Variants in DHX35 observed in about 807,000 individuals in gnomAD.
DHX35 encodes DEAH-box helicase 35.
A neutral mutation model predicts 99.6 loss-of-function variants in DHX35; 84 were observed. The observed-to-expected ratio is 0.84, with a 90% CI of 0.71 to 1.01. The LOEUF is 1.01. Among genes scored for constraint, DHX35 ranks in the 50% least tolerant of loss-of-function variants. DHX35 has a pLI of 0.00. For synonymous variants in DHX35, 331 were observed against 316.2 expected, an observed-to-expected ratio of 1.05 and a Z score of -0.50; for missense variants, 852 against 888.5, an observed-to-expected ratio of 0.96 and a Z score of 0.52.
intron 18 of DHX35, among the ~76,000 whole-genome samples, chr20:39,026,091 C>T (rs1279786832): frequency 2.6e-5 from 4 of 152,140 alleles, no homozygotes; most frequent in Non-Finnish European, 5.9e-5. Context: ...CAGCAGTCAG[C>T]CTGAAAGCCT....
intron 16 of DHX35, among the ~76,000 whole-genome samples, chr20:39,022,324 A>G (rs968856129): frequency 6.6e-6 from 1 of 151,920 alleles, no homozygotes; most frequent in Non-Finnish European, 1.5e-5. Flanking sequence ...ACGCCCGGCT[A>G]ATTTTTGTAT....
In DHX35 at chr20:39,036,726, C is replaced by CCAAAAAAAAAAA. The variant is rs1568767834; in HGVS notation, c.2068-1773_2068-1772insCAAAAAAAAAAA. On this transcript the variant is annotated intron_variant, in intron 21 of 21. Transcript: ENST00000252011. ...AGGCGACAGAGCAAGACTGTCCCCC[C>CCAAAAAAAAAAA]AAAAAAAAAAAAAAAAAAAAAAAAA... 2.9e-3 allele frequency among the ~76,000 whole-genome samples: 151 copies of CCAAAAAAAAAAA among 51,702 alleles called. 3 individuals are homozygous for CCAAAAAAAAAAA. The highest frequency in any genetic ancestry group is 0.011 in the African/African-American group (141 of 12,694). 33.9% of individuals were successfully genotyped at this position (51,702 alleles called of 152,430 possible). A position where few individuals can be genotyped will look rare whatever the true frequency, so the allele number is the denominator to read the frequency against.
intron 3 of DHX35, chr20:38,978,010 A>C: frequency 8.7e-6 from 6 of 691,152 alleles, no homozygotes; most frequent in African/African-American, 1.8e-5. Context: ...CCTTCCAGAT[A>C]TACTTAAGAA....
At chr20:38,992,133 G>C (rs1170266761) in intron 6 of DHX35, among the ~76,000 whole-genome samples, 1 of 152,130 alleles carries the variant, frequency 6.6e-6, no homozygotes, top group East Asian at 1.9e-4. Context: ...ATGGTAAAAC[G>C]CTTAAAGATA....
chr20:38,975,534 A>G (rs916694489), intron 3 of DHX35, among the ~76,000 whole-genome samples: 1 of 152,192 alleles, frequency 6.6e-6, no homozygotes, highest in African/African-American at 2.4e-5. Flanking sequence ...GTAGAGAGTA[A>G]TGAGGTTATG....
chr20:38,997,147 T>C (rs1191481175), intron 8 of DHX35, among the ~76,000 whole-genome samples: 1 of 152,136 alleles, frequency 6.6e-6, no homozygotes, highest in Non-Finnish European at 1.5e-5. Flanking sequence ...CTCAGCTCAC[T>C]GCAACCTCTG....
chr20:39,025,341 C>T lies in DHX35; in HGVS notation c.1783C>T (p.Pro595Ser). Reference sequence around the variant, plus strand: ...AAAGCTTCTTGTCAAGTTTCAAGTGCCCAGGAAGTCTAGTGAAGGTGAGAA... The same window carrying T: ...AAAGCTTCTTGTCAAGTTTCAAGTGTCCAGGAAGTCTAGTGAAGGTGAGAA... ...LKKLLVKFQV[P>S]RKSSEGDPDL... is the part of the protein sequence containing the mutation. The change falls in exon 18 of 22, where the codon CCC becomes TCC. Residue 595 changes from proline (P) to serine (S), a missense_variant. Pro to Ser is a moderately conservative substitution (Grantham distance 74). Transcript: ENST00000252011. 1 of 1,613,546 alleles carries T rather than the reference C, an allele frequency of 6.2e-7. No individual in the cohort carries two copies. Among genetic ancestry groups the T allele is most frequent in the Non-Finnish European group, 8.5e-7 (1 of 1,179,686 alleles).
chr20:39,003,285 C>T (rs1266521306), intron 10 of DHX35, among the ~76,000 whole-genome samples: 3 of 152,132 alleles, frequency 2.0e-5, no homozygotes, highest in Non-Finnish European at 2.9e-5. Context: ...TGAACAGACC[C>T]AAGTGCTCGC....
chr20:39,035,499 C>T (rs1036237675), intron 21 of DHX35, among the ~76,000 whole-genome samples: 1 of 152,152 alleles, frequency 6.6e-6, no homozygotes, highest in African/African-American at 2.4e-5. Flanking sequence ...CCATTAGGGC[C>T]AGAATTGGAC....
Position 39,028,561 on chromosome 20 carries a change from C to A in DHX35, c.1883+62C>A. ...ACAATCTTACAAATGACCCAAACCC[C>A]ACAGAAAGCTGTGCAGAGATAGTAA... On this transcript the variant is annotated intron_variant, in intron 19 of 21. Transcript: ENST00000252011. The A allele has an allele frequency of 2.0e-6, 3 of 1,536,112 alleles. No homozygotes were observed. In the South Asian group the frequency reaches 3.4e-5, roughly 17 times the overall value.
intron 12 of DHX35, among the ~76,000 whole-genome samples, chr20:39,006,903 T>C (rs2086627990): frequency 6.6e-6 from 1 of 152,218 alleles, no homozygotes; most frequent in Non-Finnish European, 1.5e-5. Context: ...TAATACTGTC[T>C]CAGCCTTTCT....
intron 19 of DHX35, 189 bp from the exon 20 acceptor site, chr20:39,030,515 T>C (rs1165507078): frequency 3.5e-6 from 2 of 575,750 alleles, no homozygotes; most frequent in African/African-American, 3.7e-5. Context: ...CCACGTGATT[T>C]ATTCTTGACT....
intron 21 of DHX35, among the ~76,000 whole-genome samples, chr20:39,034,774 C>CTTTTTTTTTTTTTT (rs59858652): frequency 1.5e-5 from 2 of 135,110 alleles, no homozygotes; most frequent in Non-Finnish European, 3.2e-5. Flanking sequence ...TTTCTTTTTT[C>CTTTTTTTTTTTTTT]TTTTTTTTTT....
chr20:39,012,153 G>A (rs575992936), intron 13 of DHX35, among the ~76,000 whole-genome samples: 59 of 152,254 alleles, frequency 3.9e-4, no homozygotes, highest in African/African-American at 1.3e-3. Context: ...GAGGCTTGAG[G>A]CAGGAGAAAC....
chr20:39,025,889 G>T (rs1325840089), intron 18 of DHX35, among the ~76,000 whole-genome samples: 1 of 152,218 alleles, frequency 6.6e-6, no homozygotes, highest in East Asian at 1.9e-4. Context: ...TGTGGCAGGG[G>T]TTCTCCAAAT....
At chr20:38,985,577 G>A (rs1403400655) in intron 4 of DHX35, among the ~76,000 whole-genome samples, 3 of 152,116 alleles carry the variant, frequency 2.0e-5, no homozygotes, top group Non-Finnish European at 4.4e-5. Context: ...GAAGTTATGT[G>A]TGTGTGTGTG....
At position 39,038,632 on chromosome 20, in the gene DHX35, A is replaced by G; in HGVS notation, c.*89A>G. 7.3e-7 allele frequency: 1 copy of G among 1,379,272 alleles called. No homozygotes were observed. The highest frequency in any genetic ancestry group is 1.0e-6 in the Non-Finnish European group (1 of 998,840). 85.4% of individuals were successfully genotyped at this position (1,379,272 alleles called of 1,614,324 possible). A position where few individuals can be genotyped will look rare whatever the true frequency, so the allele number is the denominator to read the frequency against. On this transcript the variant is annotated 3_prime_UTR_variant, in exon 22 of 22. Coordinates refer to ENST00000252011, the MANE Select transcript of DHX35 (RefSeq NM_021931.4). ...GTCCCAGGTGGGGTGAGCTGGCACC[A>G]GCTCCTGTGGAATGTTTGGTTGCTC...
intron 3 of DHX35, chr20:38,978,402 C>T (rs1451473391): frequency 7.9e-5 from 53 of 673,182 alleles, no homozygotes; most frequent in South Asian, 5.4e-4. Flanking sequence ...GGCTCATGTC[C>T]GTGTCCATCA....
intron 1 of DHX35, among the ~76,000 whole-genome samples, chr20:38,968,554 T>C (rs2085943598): frequency 6.6e-6 from 1 of 152,140 alleles, no homozygotes; most frequent in Admixed American, 6.5e-5. Flanking sequence ...GTTTCTTTTT[T>C]CTTTTTTTTT....
Sources: allele counts gnomAD v4.1 joint callset (sites outside exome capture counted in the v4.1 genomes callset), GRCh38; gene constraint gnomAD v4.1.1; transcripts MANE v1.5; gene names NCBI Gene and HGNC (gene_info 2026-07-23, HGNC 2026-07-21).